VTCN1: variants seen among roughly 807,000 people sequenced by gnomAD.
The protein encoded by VTCN1 is V-set domain-containing T-cell activation inhibitor 1.
In VTCN1, 26 loss-of-function variants were observed where a neutral mutation model predicts 26.5. The observed-to-expected ratio is 0.98, with a 90% CI of 0.72 to 1.36. VTCN1 has a LOEUF of 1.36. Among genes scored for constraint, VTCN1 ranks in the 40% most tolerant of loss-of-function variants. The pLI, the probability that VTCN1 is intolerant of heterozygous loss-of-function variation, is 0.00. For missense variants in VTCN1, 298 were observed against 337.7 expected, an observed-to-expected ratio of 0.88 and a Z score of 0.92; for synonymous variants, 116 against 130.7, an observed-to-expected ratio of 0.89 and a Z score of 0.77.
chr1:117,197,428 G>A (rs1173270534), intron 1 of VTCN1, among the ~76,000 whole-genome samples: 1 of 152,092 alleles, frequency 6.6e-6, no homozygotes, highest in Non-Finnish European at 1.5e-5. Context: ...GGAACATAGG[G>A]CCCATTCATG....
chr1:117,205,447 G>A (rs574002562), intron 1 of VTCN1, among the ~76,000 whole-genome samples: 3 of 152,260 alleles, frequency 2.0e-5, no homozygotes, highest in African/African-American at 7.2e-5. Context: ...ACAGGTGTGA[G>A]CCACCATGCC....
Position 117,195,312 on chromosome 1 carries a change from A to T in VTCN1, c.32+15512T>A, listed in dbSNP as rs181514839. 3.4e-3 allele frequency among the ~76,000 whole-genome samples: 508 copies of T among 148,068 alleles called. 3 individuals carry two copies. Among genetic ancestry groups the T allele is most frequent in the African/African-American group, 0.012 (486 of 39,864 alleles). The stretch of plus-strand genomic sequence containing the variant: ...AATAATAATAATAATATTGTATTGA[A>T]CACTTGAAATTTGCTAACAGAGCAG... On this transcript the variant is annotated intron_variant, in intron 1 of 5. Transcript: ENST00000369458.
chr1:117,153,314 C>T lies in VTCN1; in HGVS notation c.501G>A (p.Arg167=), dbSNP rs1311625181. The T allele has an allele frequency of 1.2e-6, 2 of 1,614,038 alleles. No individual in the cohort carries two copies. The highest frequency in any genetic ancestry group is 8.5e-7 in the Non-Finnish European group (1 of 1,179,950). The change falls in exon 4 of 6, where the codon CGG becomes CGA. Residue 167 remains arginine (R), a synonymous_variant. Coordinates refer to ENST00000369458, the MANE Select transcript of VTCN1 (RefSeq NM_024626.4). The stretch of plus-strand genomic sequence containing the variant: ...GGGGGAACCATCGGGGAGCCTCACA[C>T]CGCAAGGTCTCTGAGCTGGCATTAT... ...VDYNASSETL[R]CEAPRWFPQP...
In VTCN1 at chr1:117,183,248, T is replaced by C. The variant is rs1647762237; in HGVS notation, c.33-13077A>G. On this transcript the variant is annotated intron_variant, in intron 1 of 5. Coordinates refer to ENST00000369458, the MANE Select transcript of VTCN1 (RefSeq NM_024626.4). The surrounding 1 kb of genome is among the most constrained non-coding windows in gnomAD (Gnocchi z 4.1). Reference sequence around the variant, plus strand: ...CTCCATGCCTTCGTTCCTATTATTTTTCAAGTTCTTGGAACATGCAAGGAA... The same window carrying C: ...CTCCATGCCTTCGTTCCTATTATTTCTCAAGTTCTTGGAACATGCAAGGAA... Among the ~76,000 whole-genome samples, 3 of 152,200 alleles carry C rather than the reference T, an allele frequency of 2.0e-5. No homozygotes were observed. The highest frequency in any genetic ancestry group is 2.0e-4 in the Admixed American group (3 of 15,274).
intron 1 of VTCN1, among the ~76,000 whole-genome samples, chr1:117,192,376 C>T (rs562618956): frequency 6.6e-6 from 1 of 152,178 alleles, no homozygotes; most frequent in African/African-American, 2.4e-5. Context: ...CTAGACCTGC[C>T]TTATGAGAGA....
intron 4 of VTCN1, among the ~76,000 whole-genome samples, chr1:117,151,840 G>A (rs773655620): frequency 8.5e-5 from 13 of 152,052 alleles, no homozygotes; most frequent in East Asian, 7.7e-4. Context: ...CAATTTTTCC[G>A]CATCCTCACC....
Position 117,144,082 on chromosome 1 carries a change from G to C in VTCN1, c.*1189C>G, listed in dbSNP as rs1272802770. 5 of 152,242 alleles carry C rather than the reference G, an allele frequency of 3.3e-5. No homozygotes were observed. The highest frequency in any genetic ancestry group is 1.2e-4 in the African/African-American group (5 of 41,426). The allele number at this position is 152,242 out of a possible 1,614,324, so 9.4% of individuals were successfully genotyped here. A position where few individuals can be genotyped will look rare whatever the true frequency, so the allele number is the denominator to read the frequency against. ...GTGCCCGATAGAGTTCTGGCTCTCTGTGCTGAGGCAGCAGCCAAAGAGACA... is the reference window on the plus strand; with the variant it reads ...GTGCCCGATAGAGTTCTGGCTCTCTCTGCTGAGGCAGCAGCCAAAGAGACA... On this transcript the variant is annotated 3_prime_UTR_variant, in exon 6 of 6. Transcript: ENST00000369458.
intron 1 of VTCN1, among the ~76,000 whole-genome samples, chr1:117,171,758 T>C (rs1183483276): frequency 1.3e-5 from 2 of 152,308 alleles, no homozygotes; most frequent in African/African-American, 4.8e-5. Context: ...CTCCATTTTA[T>C]AGATGGGGAA....
At chr1:117,209,465 T>C (rs1649254194) in intron 1 of VTCN1, among the ~76,000 whole-genome samples, 1 of 152,166 alleles carries the variant, frequency 6.6e-6, no homozygotes. Flanking sequence ...GATCCCCTCA[T>C]GCACAGTTTC....
intron 2 of VTCN1, 173 bp from the exon 3 acceptor site, chr1:117,157,094 T>G (rs1230269438): frequency 1.0e-4 from 38 of 362,190 alleles, no homozygotes; most frequent in South Asian, 3.4e-4. Flanking sequence ...ATCATTTTGA[T>G]ATATATATAT....
chr1:117,151,407 A>G (rs1268117000), intron 4 of VTCN1, among the ~76,000 whole-genome samples: 1 of 152,172 alleles, frequency 6.6e-6, no homozygotes, highest in African/African-American at 2.4e-5. Flanking sequence ...AGTGAGCAGC[A>G]GCAAGATTTA....
At chr1:117,190,918 A>T (rs1389491505) in intron 1 of VTCN1, among the ~76,000 whole-genome samples, 1 of 152,206 alleles carries the variant, frequency 6.6e-6, no homozygotes, top group Non-Finnish European at 1.5e-5. Context: ...TCAGCAACCA[A>T]CCCAAAATAT....
Position 117,199,808 on chromosome 1 carries a change from G to C in VTCN1, c.32+11016C>G, listed in dbSNP as rs561831418. ...GTGCCACCACGCCTGGCTAATTTTTGTATTTTTAGTAGAGATGGGGTTTCA... is the reference window on the plus strand; with the variant it reads ...GTGCCACCACGCCTGGCTAATTTTTCTATTTTTAGTAGAGATGGGGTTTCA... On this transcript the variant is annotated intron_variant, in intron 1 of 5. Transcript: ENST00000369458. 2.3e-4 allele frequency among the ~76,000 whole-genome samples: 35 copies of C among 150,378 alleles called. 1 individual carries two copies. In the South Asian group the frequency reaches 5.9e-3, roughly 25 times the overall value.
At chr1:117,153,442 A>T in intron 3 of VTCN1, 73 bp from the exon 4 acceptor site, 2 of 1,437,816 alleles carry the variant, frequency 1.4e-6, no homozygotes, top group African/African-American at 1.4e-5. Flanking sequence ...TTGAAGCGCT[A>T]GGCCTTAAAA....
intron 1 of VTCN1, among the ~76,000 whole-genome samples, chr1:117,172,076 C>T (rs1432270973): frequency 2.0e-5 from 3 of 152,180 alleles, no homozygotes; most frequent in Admixed American, 2.0e-4. Flanking sequence ...CTCAGCCGCC[C>T]GCTCACACGG....
At chr1:117,181,613 C>T (rs1384948695) in intron 1 of VTCN1, among the ~76,000 whole-genome samples, 1 of 152,210 alleles carries the variant, frequency 6.6e-6, no homozygotes, top group African/African-American at 2.4e-5. Context: ...CGTGCCCTCC[C>T]TTCTCTTTTT....
chr1:117,157,153 G>C, intron 2 of VTCN1: 1 of 404,594 alleles, frequency 2.5e-6, no homozygotes, highest in African/African-American at 2.4e-5. Flanking sequence ...GTAAGACCAA[G>C]TAACCCAAAC....
intron 1 of VTCN1, among the ~76,000 whole-genome samples, chr1:117,207,605 C>G (rs548048324): frequency 6.6e-6 from 1 of 152,244 alleles, no homozygotes; most frequent in South Asian, 2.1e-4. Context: ...CAGGCCTGAC[C>G]TCTCCTAGTT....
intron 1 of VTCN1, among the ~76,000 whole-genome samples, chr1:117,187,309 C>CA (rs11415949): frequency 0.54 from 39,196 of 73,098 alleles, 10,481 homozygotes; most frequent in East Asian, 0.72. Flanking sequence ...GACCTTGTCT[C>CA]AAAAAAAAAA....
Sources: gnomAD v4.1 joint callset for allele counts (sites outside exome capture counted in the v4.1 genomes callset) on GRCh38, gnomAD v4.1.1 for gene constraint, Gnocchi (gnomAD v3.1) non-coding constraint, MANE v1.5 for transcripts, NCBI Gene and HGNC (gene_info 2026-07-23, HGNC 2026-07-21) for gene names.